The following SH3BP2 variants were observed in gnomAD, a reference collection of about 807,000 sequenced individuals.
SH3BP2 encodes the protein SH3 domain-binding protein 2.
SH3BP2 carries 38 observed loss-of-function variants against 56.2 expected under a neutral mutation model. That is an observed-to-expected ratio of 0.68 (90% confidence interval 0.52 to 0.89). SH3BP2 has a LOEUF of 0.89. Among genes scored for constraint, SH3BP2 ranks in the 40% least tolerant of loss-of-function variants. The pLI is 0.00. For synonymous variants in SH3BP2, 346 were observed against 316.7 expected (o/e 1.09, Z -0.98); for missense variants, 748 against 762.6 (o/e 0.98, Z 0.23).
chr4:2,801,173 G>A (rs1243126010), intron 1 of SH3BP2, among the ~76,000 whole-genome samples: 1 of 152,200 alleles, frequency 6.6e-6, no homozygotes, highest in Non-Finnish European at 1.5e-5. Context: ...CTGGGGGCTG[G>A]GCTCCTTTCC....
rs1325791133 is a variant in SH3BP2, at chr4:2,830,005, C to A, written c.1099C>A (p.Pro367Thr). 1.2e-6 allele frequency: 2 copies of A among 1,612,974 alleles called. No individual in the cohort carries two copies. The highest frequency in any genetic ancestry group is 1.7e-6 in the Non-Finnish European group (2 of 1,180,004). The change falls in exon 8 of 13, where the codon CCC becomes ACC. Residue 367 changes from proline (P) to threonine (T), a missense_variant. Pro to Thr is a conservative substitution (Grantham distance 38). This residue lies in a region of SH3BP2 where 635 missense variants were observed against 615.0 expected (regional missense o/e 1.03). Coordinates refer to ENST00000503393, the MANE Select transcript of SH3BP2 (RefSeq NM_001122681.2). ...GTTCCTGAAGATAGCTGAAGAGGAC[C>A]CCCCAAGGGAGGCAGCCATGCCCGG... Reference protein sequence around the residue: ...PKFLKIAEEDPPREAAMPGLF... With the variant: ...PKFLKIAEEDTPREAAMPGLF...
chr4:2,825,280 G>A (rs1724544312), intron 5 of SH3BP2, 84 bp downstream of exon 5: 2 of 1,160,332 alleles, frequency 1.7e-6, no homozygotes. Context: ...CCCAGCCCCG[G>A]GCTTGGCATA....
chr4:2,830,351 C>T (rs1724917099), intron 8 of SH3BP2, among the ~76,000 whole-genome samples: 1 of 151,772 alleles, frequency 6.6e-6, no homozygotes, highest in African/African-American at 2.4e-5. Flanking sequence ...CTGAAGCTTG[C>T]TGGAAATGCT....
At chr4:2,825,669 T>C (rs1724576242) in intron 5 of SH3BP2, among the ~76,000 whole-genome samples, 1 of 152,224 alleles carries the variant, frequency 6.6e-6, no homozygotes, top group African/African-American at 2.4e-5. Flanking sequence ...ATCTGTCACA[T>C]CTGTTTCTGT....
At chr4:2,815,343 C>T (rs550874383) in intron 1 of SH3BP2, among the ~76,000 whole-genome samples, 2 of 152,194 alleles carry the variant, frequency 1.3e-5, no homozygotes, top group African/African-American at 2.4e-5. Context: ...GTCCCTGAAG[C>T]GAGGAATTCC....
rs759208926 is a variant in SH3BP2, at chr4:2,827,232, A to T, written c.431A>T (p.Asp144Val). The T allele has an allele frequency of 6.2e-7, 1 of 1,613,910 alleles. No individual in the cohort carries two copies. Among genetic ancestry groups the T allele is most frequent in the Non-Finnish European group, 8.5e-7 (1 of 1,179,976 alleles). Reference sequence around the variant, plus strand: ...CCCCAACGCACCCTGCATTGCAGCGACTCCAGCTCGGACACAGACAGCTTC... The same window carrying T: ...CCCCAACGCACCCTGCATTGCAGCGTCTCCAGCTCGGACACAGACAGCTTC... Reference protein sequence around the residue: ...EKKDLPLDTSDSSSDTDSFYG... With the variant: ...EKKDLPLDTSVSSSDTDSFYG... The change falls in exon 6 of 13, where the codon GAC becomes GTC. Residue 144 changes from aspartate (D) to valine (V), a missense_variant and splice_region_variant. Coordinates refer to ENST00000503393, the MANE Select transcript of SH3BP2 (RefSeq NM_001122681.2).
intron 2 of SH3BP2, among the ~76,000 whole-genome samples, chr4:2,821,234 T>A (rs1724288762): frequency 6.6e-6 from 1 of 152,226 alleles, no homozygotes; most frequent in South Asian, 2.1e-4. Flanking sequence ...AATGCTGAGA[T>A]ACTGAAGGCC....
intron 7 of SH3BP2, among the ~76,000 whole-genome samples, chr4:2,827,975 G>A (rs903897449): frequency 6.6e-6 from 1 of 152,170 alleles, no homozygotes; most frequent in African/African-American, 2.4e-5. Flanking sequence ...GCTGAGGAGC[G>A]CGCAGGCTCA....
chr4:2,831,649 C>A lies in SH3BP2; in HGVS notation c.1320C>A (p.Gly440=). Residue 440 remains glycine, a synonymous_variant, in exon 9 of 13, where the codon GGC becomes GGA. Transcript: ENST00000503393. This position sits in a 1 kb window ranked among gnomAD's most constrained non-coding sequence, Gnocchi z 4.1. The part of the protein sequence containing the change: ...KPRQPSQADT[G]GDDSDEDYEK... ...GGCAACCCTCACAGGCTGACACTGG[C>A]GGGGACGACTCGGACGAGGACTATG... The A allele has an allele frequency of 6.3e-7, 1 of 1,595,652 alleles. No homozygotes were observed. Among genetic ancestry groups the A allele is most frequent in the Non-Finnish European group, 8.5e-7 (1 of 1,170,358 alleles).
rs190384997 is a variant in SH3BP2 at position 2,821,578 on chromosome 4, G to A, written c.136+825G>A. Among the ~76,000 whole-genome samples, 6 of 152,262 alleles carry A rather than the reference G, an allele frequency of 3.9e-5. No homozygotes were observed. The East Asian group carries it at 9.7e-4, about 25-fold the overall frequency. Reference sequence around the variant, plus strand: ...TCTCCCTCTTTTATTTTATTTTTTCGAGACAGGGTCTTGCTCTGTTGCCCA... The same window carrying A: ...TCTCCCTCTTTTATTTTATTTTTTCAAGACAGGGTCTTGCTCTGTTGCCCA... On this transcript the variant is annotated intron_variant, in intron 2 of 12. Coordinates refer to ENST00000503393, the MANE Select transcript of SH3BP2 (RefSeq NM_001122681.2).
rs542291789 is a variant in SH3BP2 at position 2,840,785 on chromosome 4, T to G, written c.*6951T>G. 1 of 152,222 alleles carries G rather than the reference T, an allele frequency of 6.6e-6. No individual in the cohort carries two copies. Among genetic ancestry groups the G allele is most frequent in the Non-Finnish European group, 1.5e-5 (1 of 68,034 alleles). The allele number at this position is 152,222 out of a possible 1,614,324, so 9.4% of individuals were successfully genotyped here. A position where few individuals can be genotyped will look rare whatever the true frequency, so the allele number is the denominator to read the frequency against. ...TTTGGGAATTTATTATAGCTATCAA[T>G]CAGTTTTGGGAAAATTGACGTCTTT... On this transcript the variant is annotated 3_prime_UTR_variant, in exon 13 of 13. Coordinates refer to ENST00000503393, the MANE Select transcript of SH3BP2 (RefSeq NM_001122681.2).
chr4:2,800,783 T>C (rs1723243353), intron 1 of SH3BP2, among the ~76,000 whole-genome samples: 1 of 151,896 alleles, frequency 6.6e-6, no homozygotes, highest in African/African-American at 2.4e-5. Context: ...AGTAAGGGCA[T>C]TGGGGGTGTC....
chr4:2,828,884 T>G (rs1279226633), intron 7 of SH3BP2, among the ~76,000 whole-genome samples: 2 of 152,160 alleles, frequency 1.3e-5, no homozygotes, highest in African/African-American at 4.8e-5. Context: ...CGGGGTCCTC[T>G]TTCTCCTCAG....
At chr4:2,803,160 C>T (rs533097302) in intron 1 of SH3BP2, among the ~76,000 whole-genome samples, 11 of 152,300 alleles carry the variant, frequency 7.2e-5, no homozygotes, top group South Asian at 6.2e-4. Flanking sequence ...TACTGCTATA[C>T]GGTCCCAAGG....
chr4:2,793,133 C>T lies in SH3BP2; in HGVS notation c.-10C>T, dbSNP rs1323114286. On this transcript the variant is annotated 5_prime_UTR_variant, in exon 1 of 13. Transcript: ENST00000503393. ...AGGGCCCGCGGGCCAGGAGAGCGCTCGGCGGGTAAGCCTCGGCGGCGGGTC... is the reference window on the plus strand; with the variant it reads ...AGGGCCCGCGGGCCAGGAGAGCGCTTGGCGGGTAAGCCTCGGCGGCGGGTC... 3 of 147,344 alleles carry T rather than the reference C, an allele frequency of 2.0e-5. No homozygotes were observed. The highest frequency in any genetic ancestry group is 4.5e-5 in the Non-Finnish European group (3 of 66,572). 9.1% of individuals were successfully genotyped at this position (147,344 alleles called of 1,614,324 possible).
chr4:2,817,942 T>C (rs1724074674), intron 1 of SH3BP2: 1 of 152,404 alleles, frequency 6.6e-6, no homozygotes, highest in Admixed American at 6.5e-5. Context: ...CCAAGCTGTG[T>C]GGACTGGCAG....
In SH3BP2 at chr4:2,827,686, G is replaced by T; in HGVS notation, c.586+12G>T. On this transcript the variant is annotated intron_variant, in intron 7 of 12. Coordinates refer to ENST00000503393, the MANE Select transcript of SH3BP2 (RefSeq NM_001122681.2). ...CGGAAGGCTTGAGGGTAGGTGGGGCGGGTGGGCCCGGGGAGCTCTGGGTGT... is the reference window on the plus strand; with the variant it reads ...CGGAAGGCTTGAGGGTAGGTGGGGCTGGTGGGCCCGGGGAGCTCTGGGTGT... The T allele has an allele frequency of 6.5e-7, 1 of 1,548,930 alleles. No individual in the cohort carries two copies. The highest frequency in any genetic ancestry group is 1.7e-4 in the Middle Eastern group (1 of 5,970).
chr4:2,811,702 C>T (rs556950953), intron 1 of SH3BP2: 62 of 155,300 alleles, frequency 4.0e-4, no homozygotes, highest in Non-Finnish European at 3.4e-4. Context: ...GTTGCGGGGA[C>T]GTGAAAAGGC....
Position 2,829,590 on chromosome 4 carries a change from C to G in SH3BP2, c.684C>G (p.Ser228=). Residue 228 remains serine, a synonymous_variant, in exon 8 of 13, where the codon TCC becomes TCG. Transcript: ENST00000503393. This position sits in a 1 kb window ranked among gnomAD's most constrained non-coding sequence, Gnocchi z 4.9. The part of the protein sequence containing the change: ...SDMPRAHSFT[S]KGPGPLLPPP... ...TGCCCCGGGCCCACTCCTTTACCTCCAAGGGCCCCGGTCCCCTACTGCCAC... is the reference window on the plus strand; with the variant it reads ...TGCCCCGGGCCCACTCCTTTACCTCGAAGGGCCCCGGTCCCCTACTGCCAC... The G allele has an allele frequency of 1.2e-6, 2 of 1,612,546 alleles. No individual in the cohort carries two copies. The highest frequency in any genetic ancestry group is 1.7e-6 in the Non-Finnish European group (2 of 1,179,288).
Sources: gnomAD v4.1 joint callset for allele counts (sites outside exome capture counted in the v4.1 genomes callset) on GRCh38, gnomAD v4.1.1 for gene constraint, gnomAD v4.1.1 regional missense constraint, Gnocchi (gnomAD v3.1) non-coding constraint, MANE v1.5 for transcripts, NCBI Gene and HGNC (gene_info 2026-07-23, HGNC 2026-07-21) for gene names.